BZW2: variants seen among roughly 807,000 people sequenced by gnomAD.
BZW2 encodes eIF5-mimic protein 1.
Under a neutral mutation model 53.2 loss-of-function variants are expected in BZW2, and 23 were observed. The ratio of observed to expected loss-of-function variants is 0.43; its 90% confidence interval spans 0.31 to 0.61. The LOEUF (loss-of-function observed/expected upper bound fraction) is 0.61, where lower values mean the gene tolerates loss of function less well. BZW2 is among the 20% of genes least tolerant of loss of function. The pLI, the probability that BZW2 is intolerant of heterozygous loss-of-function variation, is 0.09. For missense variants in BZW2, 409 were observed against 503.1 expected (o/e 0.81, Z 1.79); for synonymous variants, 227 against 186.4 (o/e 1.22, Z -1.77).
chr7:16,697,945 A>T lies in BZW2; in HGVS notation c.970-103A>T. 3 of 1,408,804 alleles carry T rather than the reference A, an allele frequency of 2.1e-6. No individual in the cohort carries two copies. The East Asian group carries it at 7.0e-5, about 33-fold the overall frequency. The allele number at this position is 1,408,804 out of a possible 1,614,324, so 87.3% of individuals were successfully genotyped here. A position where few individuals can be genotyped will look rare whatever the true frequency, so the allele number is the denominator to read the frequency against. On this transcript the variant is annotated intron_variant, in intron 9 of 11. Coordinates refer to ENST00000258761, the MANE Select transcript of BZW2 (RefSeq NM_014038.3). ...ATAAAAGGTGTCAATCCTGAAAGTCAGTCTTTTCTAAGCAACCCTCCAGGT... is the reference window on the plus strand; with the variant it reads ...ATAAAAGGTGTCAATCCTGAAAGTCTGTCTTTTCTAAGCAACCCTCCAGGT...
intron 1 of BZW2, 24 bp from the exon 2 acceptor site, chr7:16,665,413 A>G: frequency 6.2e-7 from 1 of 1,613,898 alleles, no homozygotes; most frequent in South Asian, 1.1e-5. Context: ...TGAAATACAT[A>G]ATCTTTATTT....
chr7:16,688,537 C>G (rs1468655886), intron 6 of BZW2: 1 of 152,184 alleles, frequency 6.6e-6, no homozygotes, highest in African/African-American at 2.4e-5. Context: ...GGTACCAGGA[C>G]TTAGACTAAT....
At chr7:16,680,814 T>A (rs1004464476) in intron 3 of BZW2, among the ~76,000 whole-genome samples, 9 of 150,916 alleles carry the variant, frequency 6.0e-5, no homozygotes, top group African/African-American at 2.2e-4. Context: ...AAAATAAAAA[T>A]AAAAAAATAG....
chr7:16,652,394 G>A (rs1017180501), intron 1 of BZW2, among the ~76,000 whole-genome samples: 1 of 152,082 alleles, frequency 6.6e-6, no homozygotes. Flanking sequence ...TTGGAACAAA[G>A]CTCCACCTGC....
chr7:16,662,023 G>A (rs1384243242), intron 1 of BZW2: 2 of 152,088 alleles, frequency 1.3e-5, no homozygotes, highest in African/African-American at 2.4e-5. Flanking sequence ...TATCTTCCTA[G>A]GTTGAAGCGA....
At chr7:16,646,748 A>G (rs1781875228) in intron 1 of BZW2, among the ~76,000 whole-genome samples, 1 of 152,182 alleles carries the variant, frequency 6.6e-6, no homozygotes. Flanking sequence ...CGCCCTCCCC[A>G]CTACTTGTCA....
intron 1 of BZW2, among the ~76,000 whole-genome samples, chr7:16,648,876 C>T (rs1246032794): frequency 6.6e-6 from 1 of 152,150 alleles, no homozygotes; most frequent in Non-Finnish European, 1.5e-5. Flanking sequence ...TAAACAAAAC[C>T]TCTTTTCTTC....
intron 2 of BZW2, among the ~76,000 whole-genome samples, chr7:16,671,308 T>C (rs894173339): frequency 2.0e-5 from 3 of 152,220 alleles, no homozygotes; most frequent in Admixed American, 1.3e-4. Context: ...AGCTGAACTA[T>C]GATATGACTG....
intron 3 of BZW2, 142 bp downstream of exon 3, chr7:16,674,730 G>C (rs913516068): frequency 1.3e-6 from 1 of 764,400 alleles, no homozygotes; most frequent in Non-Finnish European, 1.9e-6. Context: ...AATTTTACCT[G>C]GTTTAGGATT....
rs577663998 is a variant in BZW2, at chr7:16,698,301, G to A, written c.1108+115G>A. 5.8e-6 allele frequency: 8 copies of A among 1,373,634 alleles called. No individual in the cohort carries two copies. The African/African-American group carries it at 1.1e-4, about 20-fold the overall frequency. 85.1% of individuals were successfully genotyped at this position (1,373,634 alleles called of 1,614,324 possible). A position where few individuals can be genotyped will look rare whatever the true frequency, so the allele number is the denominator to read the frequency against. Reference sequence around the variant, plus strand: ...GGCTCTGTTTAGAGAGGGACAGCAAGATGCTAATTTGTGAAAGTTTTATTG... The same window carrying A: ...GGCTCTGTTTAGAGAGGGACAGCAAAATGCTAATTTGTGAAAGTTTTATTG... On this transcript the variant is annotated intron_variant, in intron 10 of 11. Transcript: ENST00000258761.
At chr7:16,660,557 GA>G (rs1186061015) in intron 1 of BZW2, among the ~76,000 whole-genome samples, 1 of 151,850 alleles carries the variant, frequency 6.6e-6, no homozygotes, top group Non-Finnish European at 1.5e-5. Context: ...TACTTTATTT[GA>G]AAAATATTAA....
At chr7:16,671,219 T>G (rs1782587848) in intron 2 of BZW2, among the ~76,000 whole-genome samples, 2 of 152,214 alleles carry the variant, frequency 1.3e-5, no homozygotes, top group South Asian at 2.1e-4. Flanking sequence ...TCCTTCTCTA[T>G]TCTTTCATTG....
intron 3 of BZW2, among the ~76,000 whole-genome samples, chr7:16,681,038 AG>A (rs1782928575): frequency 1.3e-5 from 2 of 152,128 alleles, no homozygotes; most frequent in Admixed American, 1.3e-4. Context: ...GGGGAGGTGG[AG>A]GTTGCAGTGA....
At chr7:16,683,118 C>T (rs1783004898) in intron 5 of BZW2, among the ~76,000 whole-genome samples, 1 of 152,132 alleles carries the variant, frequency 6.6e-6, no homozygotes, top group Non-Finnish European at 1.5e-5. Flanking sequence ...ATTGCTTGAA[C>T]CTGGGCAGCA....
At chr7:16,682,317 G>A (rs1412566345) in intron 4 of BZW2, among the ~76,000 whole-genome samples, 1 of 152,114 alleles carries the variant, frequency 6.6e-6, no homozygotes, top group African/African-American at 2.4e-5. Context: ...GACTGTAGGG[G>A]CCAGTCATCC....
chr7:16,697,047 C>T lies in BZW2; in HGVS notation c.955C>T (p.Leu319=), dbSNP rs776660181. 6.2e-7 allele frequency: 1 copy of T among 1,614,042 alleles called. No homozygotes were observed. The highest frequency in any genetic ancestry group is 1.1e-5 in the South Asian group (1 of 91,062). ...KKEELVAEQA[L]KHLKQYAPLL... The stretch of plus-strand genomic sequence containing the variant: ...GGAAGAACTTGTTGCAGAGCAGGCT[C>T]TGAAGCACCTGAAGGTAACAGCCCT... Residue 319 remains leucine, a synonymous_variant, in exon 9 of 12, where the codon CTG becomes TTG. Transcript: ENST00000258761.
At chr7:16,695,265 A>T (rs1484710701) in intron 8 of BZW2, among the ~76,000 whole-genome samples, 1 of 152,226 alleles carries the variant, frequency 6.6e-6, no homozygotes, top group African/African-American at 2.4e-5. Context: ...TATGATTTTC[A>T]AAATATTTCA....
At position 16,663,975 on chromosome 7, in the gene BZW2, T is replaced by TA. The variant is rs759720880; in HGVS notation, c.-7-1456dup. On this transcript the variant is annotated intron_variant, in intron 1 of 11. Coordinates refer to ENST00000258761, the MANE Select transcript of BZW2 (RefSeq NM_014038.3). ...TGTCCATTAAGGTAAACCAAAAAGA[T>TA]AAAAAATCTATTAACAGTTTCTTGT... Among the ~76,000 whole-genome samples, 19 of 152,274 alleles carry TA rather than the reference T, an allele frequency of 1.2e-4. No individual in the cohort carries two copies. The East Asian group carries it at 3.5e-3, about 28-fold the overall frequency.
chr7:16,662,160 G>A (rs1206108746), intron 1 of BZW2: 1 of 152,140 alleles, frequency 6.6e-6, no homozygotes, highest in East Asian at 1.9e-4. Context: ...GCTAAATTTA[G>A]AGGGAAGTGG....
Sources: gnomAD v4.1 joint callset for allele counts (sites outside exome capture counted in the v4.1 genomes callset) on GRCh38, gnomAD v4.1.1 for gene constraint, MANE v1.5 for transcripts, NCBI Gene and HGNC (gene_info 2026-07-23, HGNC 2026-07-21) for gene names.